The following DNAH10 variants were observed in gnomAD, a reference collection of about 807,000 sequenced individuals.
DNAH10 encodes dynein axonemal heavy chain 10.
In DNAH10, 348 loss-of-function variants were observed where a neutral mutation model predicts 506.6. That is an observed-to-expected ratio of 0.69 (90% CI 0.63 to 0.75). The LOEUF (loss-of-function observed/expected upper bound fraction) is 0.75. Among genes scored for constraint, DNAH10 ranks in the 30% least tolerant of loss-of-function variants. The pLI is 0.00. For missense variants in DNAH10, 5,179 were observed against 5,787.1 expected (o/e 0.89, Z 3.41); for synonymous variants, 2,059 against 2,198.6 (o/e 0.94, Z 1.78).
rs556133119 is a variant in DNAH10 at position 123,814,897 on chromosome 12, A to G, written c.3780+985A>G. On this transcript the variant is annotated intron_variant, in intron 21 of 78. Coordinates refer to ENST00000673944, the MANE Select transcript of DNAH10 (RefSeq NM_001372106.1). The stretch of plus-strand genomic sequence containing the variant: ...CTCCCAAAGTGCTGGGATTACAGGC[A>G]TGAGCCACCGCGCCCGGCCTAGCCA... Among the ~76,000 whole-genome samples the G allele has an allele frequency of 4.7e-4, 72 of 152,236 alleles. No homozygotes were observed. The East Asian group carries it at 6.4e-3, about 13-fold the overall frequency.
chr12:123,917,508 C>T lies in DNAH10; in HGVS notation c.11003-76C>T. 7.0e-7 allele frequency: 1 copy of T among 1,437,020 alleles called. No homozygotes were observed. The highest frequency in any genetic ancestry group is 9.5e-7 in the Non-Finnish European group (1 of 1,056,534). 89.0% of individuals were successfully genotyped at this position (1,437,020 alleles called of 1,614,324 possible). On this transcript the variant is annotated intron_variant, in intron 63 of 78. Transcript: ENST00000673944. The surrounding 1 kb of genome is among the most constrained non-coding windows in gnomAD (Gnocchi z 5.6). ...TGGCTGAGACCCGCGCTAAGCTTGT[C>T]CCGTCACAGCAGGGCAGCGGGAGAG... is the stretch of plus-strand genomic sequence containing the variant.
chr12:123,810,589 A>C (rs1165189277), intron 19 of DNAH10, among the ~76,000 whole-genome samples: 1 of 152,042 alleles, frequency 6.6e-6, no homozygotes, highest in Admixed American at 6.6e-5. Flanking sequence ...GCTGCTTGGG[A>C]GGCTGAGGCA....
chr12:123,785,657 G>C lies in DNAH10; in HGVS notation c.1231-89G>C. The C allele has an allele frequency of 2.1e-6, 2 of 961,084 alleles. No homozygotes were observed. The highest frequency in any genetic ancestry group is 1.5e-6 in the Non-Finnish European group (1 of 689,642). The allele number at this position is 961,084 out of a possible 1,614,324, so 59.5% of individuals were successfully genotyped here. A position where few individuals can be genotyped will look rare whatever the true frequency, so the allele number is the denominator to read the frequency against. On this transcript the variant is annotated intron_variant, in intron 8 of 78. Transcript: ENST00000673944. This position sits in a 1 kb window ranked among gnomAD's most constrained non-coding sequence, Gnocchi z 4.1. ...CAAGGAAAAAAAAAAAAAAAAAAGA[G>C]TGAAACTTCTTGCATGCTTACTGTT...
chr12:123,821,592 CAA>C (rs1247728323), intron 24 of DNAH10, among the ~76,000 whole-genome samples: 1 of 152,062 alleles, frequency 6.6e-6, no homozygotes, highest in Non-Finnish European at 1.5e-5. Context: ...CTTGACCTCC[CAA>C]AGTGCTGGGA....
chr12:123,841,220 T>C, intron 29 of DNAH10, 102 bp from the exon 30 acceptor site: 2 of 1,242,318 alleles, frequency 1.6e-6, no homozygotes, highest in Non-Finnish European at 1.2e-6. Flanking sequence ...CCGGTTGCCA[T>C]TGCTTGCATC....
At chr12:123,793,611 T>C (rs1958168643) in intron 11 of DNAH10, among the ~76,000 whole-genome samples, 1 of 152,210 alleles carries the variant, frequency 6.6e-6, no homozygotes, top group African/African-American at 2.4e-5. Context: ...GTACTGGGAT[T>C]ACAGGTGTGA....
chr12:123,879,262 A>C lies in DNAH10; in HGVS notation c.8373-2A>C. On this transcript the variant is annotated splice_acceptor_variant, in intron 48 of 78. Coordinates refer to ENST00000673944, the MANE Select transcript of DNAH10 (RefSeq NM_001372106.1). LOFTEE classifies it high-confidence loss of function. ...CTGATTTTTGTCCCTTCCATTCTGC[A>C]GATTCCAGACGGTGGCCCAGATGGT... is the stretch of plus-strand genomic sequence containing the variant. 1.3e-6 allele frequency: 2 copies of C among 1,569,708 alleles called. No individual in the cohort carries two copies. The highest frequency in any genetic ancestry group is 1.7e-6 in the Non-Finnish European group (2 of 1,156,646).
chr12:123,862,568 T>C (rs2136879753), intron 39 of DNAH10, among the ~76,000 whole-genome samples: 1 of 152,146 alleles, frequency 6.6e-6, no homozygotes, highest in South Asian at 2.1e-4. Context: ...TTTTGCTTTT[T>C]TTTGTAGAGA....
chr12:123,816,769 A>C (rs1959157738), intron 21 of DNAH10, among the ~76,000 whole-genome samples: 2 of 152,182 alleles, frequency 1.3e-5, no homozygotes, highest in African/African-American at 4.8e-5. Flanking sequence ...GGACAACCTT[A>C]TGGGACTTAC....
chr12:123,925,340 T>G lies in DNAH10; in HGVS notation c.11921+136T>G. The G allele has an allele frequency of 2.7e-6, 3 of 1,118,150 alleles. No individual in the cohort carries two copies. Among genetic ancestry groups the G allele is most frequent in the Non-Finnish European group, 3.8e-6 (3 of 789,310 alleles). 69.3% of individuals were successfully genotyped at this position (1,118,150 alleles called of 1,614,324 possible). On this transcript the variant is annotated intron_variant, in intron 68 of 78. Coordinates refer to ENST00000673944, the MANE Select transcript of DNAH10 (RefSeq NM_001372106.1). The surrounding 1 kb of genome is among the most constrained non-coding windows in gnomAD (Gnocchi z 4.0). ...CGCCACCCTGCTGTACAATATTCGA[T>G]AGCCGATATTCTAGAATTCTTCAAT...
At position 123,785,646 on chromosome 12, in the gene DNAH10, A is replaced by C. The variant is rs1957820564; in HGVS notation, c.1231-100A>C. 2 of 1,186,056 alleles carry C rather than the reference A, an allele frequency of 1.7e-6. No homozygotes were observed. Among genetic ancestry groups the C allele is most frequent in the African/African-American group, 3.1e-5 (2 of 64,932 alleles). 73.5% of individuals were successfully genotyped at this position (1,186,056 alleles called of 1,614,324 possible). A position where few individuals can be genotyped will look rare whatever the true frequency, so the allele number is the denominator to read the frequency against. On this transcript the variant is annotated intron_variant, in intron 8 of 78. Transcript: ENST00000673944. This position sits in a 1 kb window ranked among gnomAD's most constrained non-coding sequence, Gnocchi z 4.1. Reference sequence around the variant, plus strand: ...AGACTTGGTCTCAAGGAAAAAAAAAAAAAAAAAAGAGTGAAACTTCTTGCA... The same window carrying C: ...AGACTTGGTCTCAAGGAAAAAAAAACAAAAAAAAGAGTGAAACTTCTTGCA...
intron 65 of DNAH10, chr12:123,922,960 TG>T (rs1218318521): frequency 6.6e-6 from 1 of 152,238 alleles, no homozygotes; most frequent in African/African-American, 2.4e-5. Context: ...CCTTAACAGT[TG>T]GGCAGAAAAG....
chr12:123,881,733 G>A lies in DNAH10; in HGVS notation c.8743G>A (p.Gly2915Ser), dbSNP rs1032042772. ...GCACCGTATCATCCGCATGGACCGC[G>A]GCCACGCCCTGCTGGTCGGGGTAGG... Reference protein sequence around the residue: ...RVHRIIRMDRGHALLVGVGGS... With the variant: ...RVHRIIRMDRSHALLVGVGGS... Residue 2915 changes from glycine (G) to serine (S), a missense_variant, in exon 51 of 79, where the codon GGC (glycine) becomes AGC (serine). Coordinates refer to ENST00000673944, the MANE Select transcript of DNAH10 (RefSeq NM_001372106.1). The A allele has an allele frequency of 1.3e-5, 20 of 1,547,752 alleles. No homozygotes were observed. The highest frequency in any genetic ancestry group is 5.5e-5 in the African/African-American group (4 of 72,800).
chr12:123,830,470 G>A, intron 25 of DNAH10, 76 bp from the exon 26 acceptor site: 1 of 1,409,452 alleles, frequency 7.1e-7, no homozygotes. Flanking sequence ...GATTTGTCCT[G>A]TGATTTAAAT....
chr12:123,800,244 C>T lies in DNAH10; in HGVS notation c.2318C>T (p.Thr773Ile). 1 of 1,613,980 alleles carries T rather than the reference C, an allele frequency of 6.2e-7. No homozygotes were observed. Among genetic ancestry groups the T allele is most frequent in the Non-Finnish European group, 8.5e-7 (1 of 1,179,968 alleles). The change falls in exon 15 of 79, where the codon ACT becomes ATT. Residue 773 changes from threonine to isoleucine, a missense_variant. Around this residue, in one of 3 missense-constraint regions of DNAH10, gnomAD observed 4,844 missense variants for 5,430.5 expected, o/e 0.89. Transcript: ENST00000673944. ...TCCATCGCCACAGAGGAGCCTTCGA[C>T]TTTAGAAAGGGGAGCTGTTTTTGCA... Reference protein sequence around the residue: ...KSSIATEEPSTLERGAVFAIN... With the variant: ...KSSIATEEPSILERGAVFAIN...
intron 33 of DNAH10, 117 bp downstream of exon 33, chr12:123,848,212 C>T: frequency 7.1e-7 from 1 of 1,403,310 alleles, no homozygotes; most frequent in Non-Finnish European, 9.6e-7. Flanking sequence ...TAGTAGAAAA[C>T]CTTCCACCAC....
At position 123,804,927 on chromosome 12, in the gene DNAH10, CA is replaced by C. The variant is rs1477057371; in HGVS notation, c.2877del (p.Val960LeufsTer31). 5 of 1,614,016 alleles carry C rather than the reference CA, an allele frequency of 3.1e-6. No individual in the cohort carries two copies. Among genetic ancestry groups the C allele is most frequent in the Non-Finnish European group, 4.2e-6 (5 of 1,180,056 alleles). On this transcript the variant is annotated frameshift_variant, in exon 18 of 79. Transcript: ENST00000673944. LOFTEE classifies it high-confidence loss of function. ...ATCTTGCCATTGGACCACTGCTGAC[CA>C]AAGTTGAGGGCCTGGTCGTCCACAC... ...WYLAIGPLLTKVEGLVVHTNT... is the reference protein window; with the variant it reads ...WYLAIGPLLTXVEGLVVHTNT...
In DNAH10 at chr12:123,923,775, GGCACAA is replaced by G; in HGVS notation, c.11522_11527del (p.His3841_Lys3842del). 1 of 1,608,398 alleles carries G rather than the reference GGCACAA, an allele frequency of 6.2e-7. No individual in the cohort carries two copies. Among genetic ancestry groups the G allele is most frequent in the East Asian group, 2.2e-5 (1 of 44,790 alleles). ...TGTTTCCCTCCAGGGCTGTTTGAGA[GGCACAA>G]GCTACTCTTTTCTTTTAATATGACC... On this transcript the variant is annotated inframe_deletion, in exon 66 of 79. Coordinates refer to ENST00000673944, the MANE Select transcript of DNAH10 (RefSeq NM_001372106.1).
chr12:123,878,620 G>C (rs1397478395), intron 48 of DNAH10, among the ~76,000 whole-genome samples: 2 of 152,200 alleles, frequency 1.3e-5, no homozygotes, highest in African/African-American at 2.4e-5. Flanking sequence ...CTGTCGGCCA[G>C]GCACAGTGGC....
Sources: allele counts gnomAD v4.1 joint callset (sites outside exome capture counted in the v4.1 genomes callset), GRCh38; gene constraint gnomAD v4.1.1; regional missense constraint gnomAD v4.1.1; non-coding constraint Gnocchi (gnomAD v3.1); transcripts MANE v1.5; gene names NCBI Gene and HGNC (gene_info 2026-07-23, HGNC 2026-07-21).